The following SERPINA6 variants were observed in gnomAD, a reference collection of about 807,000 sequenced individuals.
SERPINA6 encodes the protein serpin family A member 6, also known as corticosteroid-binding globulin.
A neutral mutation model predicts 26.4 loss-of-function variants in SERPINA6; 19 were observed. The observed-to-expected ratio is 0.72, with a 90% CI of 0.50 to 1.06. The LOEUF (loss-of-function observed/expected upper bound fraction) is 1.06, where lower values mean the gene tolerates loss of function less well. SERPINA6 is among the 50% of genes least tolerant of loss of function. The pLI is 0.00. For missense variants in SERPINA6, 473 were observed against 504.0 expected (o/e 0.94, Z 0.59); for synonymous variants, 196 against 199.4 (o/e 0.98, Z 0.14).
At chr14:94,308,690 G>A (rs1247338968) in intron 3 of SERPINA6, among the ~76,000 whole-genome samples, 1 of 152,154 alleles carries the variant, frequency 6.6e-6, no homozygotes, top group Non-Finnish European at 1.5e-5. Flanking sequence ...CTCCTTTAAG[G>A]TGAGGAGCAG....
At chr14:94,322,108 C>T (rs1895692122) in intron 1 of SERPINA6, among the ~76,000 whole-genome samples, 2 of 152,158 alleles carry the variant, frequency 1.3e-5, no homozygotes, top group Non-Finnish European at 2.9e-5. Context: ...AGAGTAACTC[C>T]CCCTGAGCTG....
At chr14:94,322,433 C>T (rs111638920) in intron 1 of SERPINA6, among the ~76,000 whole-genome samples, 79 of 152,270 alleles carry the variant, frequency 5.2e-4, no homozygotes, top group African/African-American at 1.9e-3. Context: ...TAGCTTGAAC[C>T]CAGGAGGCAG....
rs1895402075 is a variant in SERPINA6, at chr14:94,304,334, G to T, written c.*84C>A. 4 of 1,394,090 alleles carry T rather than the reference G, an allele frequency of 2.9e-6. No individual in the cohort carries two copies. Among genetic ancestry groups the T allele is most frequent in the South Asian group, 1.2e-5 (1 of 86,580 alleles). 86.4% of individuals were successfully genotyped at this position (1,394,090 alleles called of 1,614,324 possible). Reference sequence around the variant, plus strand: ...GAGAAGAACTTGGAGGAGATTGGGGGAAACCTCCCGCTCTCCAAAACATTT... The same window carrying T: ...GAGAAGAACTTGGAGGAGATTGGGGTAAACCTCCCGCTCTCCAAAACATTT... On this transcript the variant is annotated 3_prime_UTR_variant, in exon 5 of 5. Transcript: ENST00000341584.
chr14:94,305,953 G>T (rs967608020), intron 4 of SERPINA6, 118 bp downstream of exon 4: 2 of 1,162,278 alleles, frequency 1.7e-6, no homozygotes, highest in East Asian at 2.4e-5. Flanking sequence ...TCAACCTGGG[G>T]TTCTCAGCCA....
At chr14:94,310,091 C>A in intron 2 of SERPINA6, 85 bp from the exon 3 acceptor site, 1 of 1,385,588 alleles carries the variant, frequency 7.2e-7, no homozygotes, top group Non-Finnish European at 1.0e-6. Context: ...CCAAGTGACA[C>A]AGTGGCCTTC....
At position 94,308,384 on chromosome 14, in the gene SERPINA6, G is replaced by A. The variant is rs541574977; in HGVS notation, c.884+1352C>T. Among the ~76,000 whole-genome samples the A allele has an allele frequency of 2.0e-4, 30 of 151,068 alleles. No homozygotes were observed. The East Asian group carries it at 5.6e-3, about 28-fold the overall frequency. On this transcript the variant is annotated intron_variant, in intron 3 of 4. Transcript: ENST00000341584. ...ACTCCATCCCCTGTGCTTAGCTAGG[G>A]CATGGTACATAGCAAGTGCTTCCGT...
At chr14:94,304,741 A>G (rs1314994083) in intron 4 of SERPINA6, 138 bp from the exon 5 acceptor site, 6 of 732,692 alleles carry the variant, frequency 8.2e-6, no homozygotes, top group African/African-American at 7.0e-5. Context: ...CTGGATTCTT[A>G]TCCAAGTGGC....
chr14:94,321,349 T>G (rs1190839771), intron 1 of SERPINA6, among the ~76,000 whole-genome samples: 1 of 152,170 alleles, frequency 6.6e-6, no homozygotes, highest in Non-Finnish European at 1.5e-5. Context: ...CAGGGCTGAT[T>G]CTCACTAATG....
intron 3 of SERPINA6, among the ~76,000 whole-genome samples, chr14:94,307,073 G>A (rs1230691751): frequency 2.6e-5 from 4 of 152,120 alleles, no homozygotes; most frequent in Admixed American, 6.5e-5. Context: ...AGTGGAAGCC[G>A]CCCTTTTCTA....
At chr14:94,310,107 G>C in intron 2 of SERPINA6, 101 bp from the exon 3 acceptor site, 1 of 1,151,344 alleles carries the variant, frequency 8.7e-7, no homozygotes, top group Non-Finnish European at 1.3e-6. Flanking sequence ...CCTTCTGCAT[G>C]CTTGGAATGT....
At position 94,320,695 on chromosome 14, in the gene SERPINA6, C is replaced by T. The variant is rs572562381; in HGVS notation, c.-20+2572G>A. On this transcript the variant is annotated intron_variant, in intron 1 of 4. Transcript: ENST00000341584. ...TAGAGGCCCCTTCCCTGGTGTGTTC[C>T]AAAAGCAGAATCTCAAGAATGACAG... 3.5e-4 allele frequency among the ~76,000 whole-genome samples: 53 copies of T among 152,284 alleles called. No individual in the cohort carries two copies. In the East Asian group the frequency reaches 0.01, roughly 29 times the overall value.
rs748359049 is a variant in SERPINA6 at position 94,306,228 on chromosome 14, G to A, written c.885-10C>T. 2 of 1,614,094 alleles carry A rather than the reference G, an allele frequency of 1.2e-6. No homozygotes were observed. Among genetic ancestry groups the A allele is most frequent in the South Asian group, 1.1e-5 (1 of 91,074 alleles). On this transcript the variant is annotated splice_polypyrimidine_tract_variant and intron_variant, in intron 3 of 4. Transcript: ENST00000341584. ...GTACAGGTCCACCTGGCTGCTCGGG[G>A]TAAGCAGACAGAGTTAGACATTCCA...
chr14:94,318,649 A>G (rs1446282538), intron 1 of SERPINA6, among the ~76,000 whole-genome samples: 8 of 152,222 alleles, frequency 5.3e-5, no homozygotes, highest in Non-Finnish European at 8.8e-5. Flanking sequence ...AACACCATAT[A>G]CAAAAATTAA....
chr14:94,313,896 T>G, intron 2 of SERPINA6, 140 bp downstream of exon 2: 2 of 905,752 alleles, frequency 2.2e-6, no homozygotes, highest in Non-Finnish European at 3.7e-6. Context: ...CCCAGCAGGA[T>G]TGTGGTGAAG....
intron 1 of SERPINA6, among the ~76,000 whole-genome samples, chr14:94,322,781 G>A (rs1304056112): frequency 6.6e-6 from 1 of 152,194 alleles, no homozygotes; most frequent in East Asian, 1.9e-4. Flanking sequence ...AGGTCACTGA[G>A]TGAGGAGCCA....
chr14:94,314,721 G>A (rs1895589183), intron 1 of SERPINA6, 54 bp from the exon 2 acceptor site: 1 of 1,558,066 alleles, frequency 6.4e-7, no homozygotes, highest in South Asian at 1.1e-5. Flanking sequence ...AGTCAATGGG[G>A]CGTAGTGCAA....
chr14:94,316,162 G>C (rs192364766), intron 1 of SERPINA6, among the ~76,000 whole-genome samples: 1 of 151,992 alleles, frequency 6.6e-6, no homozygotes, highest in Non-Finnish European at 1.5e-5. Flanking sequence ...TCCACAATTT[G>C]TAAAATTTCC....
At chr14:94,306,447 C>A (rs903834456) in intron 3 of SERPINA6, among the ~76,000 whole-genome samples, 7 of 152,240 alleles carry the variant, frequency 4.6e-5, no homozygotes, top group African/African-American at 1.4e-4. Flanking sequence ...CTGAATTGCA[C>A]ATTCTTTTCT....
At position 94,317,648 on chromosome 14, in the gene SERPINA6, C is replaced by T. The variant is rs148640826; in HGVS notation, c.-19-2981G>A. Among the ~76,000 whole-genome samples the T allele has an allele frequency of 3.1e-3, 465 of 152,304 alleles. 2 individuals are homozygous for T. Among genetic ancestry groups the T allele is most frequent in the Non-Finnish European group, 5.0e-3 (338 of 68,028 alleles). On this transcript the variant is annotated intron_variant, in intron 1 of 4. Transcript: ENST00000341584. The stretch of plus-strand genomic sequence containing the variant: ...TTTCATGGCCATGTGACAAGGACCC[C>T]GTGTTTAGCTGGACTAAGTAGAAAG...
Sources: allele counts gnomAD v4.1 joint callset (sites outside exome capture counted in the v4.1 genomes callset), GRCh38; gene constraint gnomAD v4.1.1; transcripts MANE v1.5; gene names NCBI Gene and HGNC (gene_info 2026-07-23, HGNC 2026-07-21).